Variants in SLC19A1 observed in about 807,000 individuals in gnomAD.
SLC19A1 encodes solute carrier family 19 member 1, also known as reduced folate transporter.
In SLC19A1, 37 loss-of-function variants were observed where a neutral mutation model predicts 35.3. That is an observed-to-expected ratio of 1.05 (90% CI 0.81 to 1.38). The LOEUF (loss-of-function observed/expected upper bound fraction) is 1.38. SLC19A1 is among the 40% of genes most tolerant of loss of function. The pLI, the probability that SLC19A1 is intolerant of heterozygous loss-of-function variation, is 0.00. For synonymous variants in SLC19A1, 460 were observed against 398.5 expected (o/e 1.15, Z -1.84); for missense variants, 831 against 826.9 (o/e 1.00, Z -0.06).
intron 1 of SLC19A1, among the ~76,000 whole-genome samples, chr21:45,539,298 GC>G (rs2078231322): frequency 6.6e-6 from 1 of 152,248 alleles, no homozygotes; most frequent in South Asian, 2.1e-4. Context: ...ACGTGGAAAG[GC>G]CATCTGCTGC....
intron 1 of SLC19A1, among the ~76,000 whole-genome samples, chr21:45,552,101 C>T (rs1307092321): frequency 1.3e-5 from 2 of 152,298 alleles, no homozygotes; most frequent in Middle Eastern, 3.4e-3. Context: ...ACTGTCTCGC[C>T]GCTCCATGGG....
Position 45,531,514 on chromosome 21 carries a change from AC to A in SLC19A1, c.823del (p.Val275SerfsTer53). The A allele has an allele frequency of 6.2e-7, 1 of 1,612,602 alleles. No homozygotes were observed. Among genetic ancestry groups the A allele is most frequent in the Non-Finnish European group, 8.5e-7 (1 of 1,179,734 alleles). On this transcript the variant is annotated frameshift_variant, in exon 3 of 6. Coordinates refer to ENST00000311124, the MANE Select transcript of SLC19A1 (RefSeq NM_194255.4). LOFTEE classifies it high-confidence loss of function. ...PQLRLWSLWW[V>X]FNSAGYYLVV... ...CAGGTAGTAGCCGGCCGAGTTGAAG[AC>A]CCACCAGAGGGACCACAGGCGCAGC...
rs550157121 is a variant in SLC19A1, at chr21:45,533,319, A to G, written c.190-1171T>C. 6.9e-4 allele frequency among the ~76,000 whole-genome samples: 105 copies of G among 152,194 alleles called. No homozygotes were observed. The highest frequency in any genetic ancestry group is 2.1e-4 in the Non-Finnish European group (14 of 68,018). ...CGGGGCTGGGGGTGCTACCTCCTACAGGACAAGGTCAGAGGACACTGCCCC... is the reference window on the plus strand; with the variant it reads ...CGGGGCTGGGGGTGCTACCTCCTACGGGACAAGGTCAGAGGACACTGCCCC... On this transcript the variant is annotated intron_variant, in intron 2 of 5. Transcript: ENST00000311124. The surrounding 1 kb of genome is among the most constrained non-coding windows in gnomAD (Gnocchi z 4.5).
chr21:45,516,655 G>C (rs999833536), intron 5 of SLC19A1, among the ~76,000 whole-genome samples: 5 of 152,236 alleles, frequency 3.3e-5, no homozygotes, highest in Non-Finnish European at 7.3e-5. Flanking sequence ...TGACCAGAAG[G>C]AGCAGCACCA....
intron 4 of SLC19A1, among the ~76,000 whole-genome samples, chr21:45,527,994 G>GA (rs1355558166): frequency 1.3e-5 from 2 of 149,550 alleles, no homozygotes; most frequent in Non-Finnish European, 3.0e-5. Flanking sequence ...TTCACCTGAA[G>GA]AAAAAATAAA....
Position 45,530,107 on chromosome 21 carries a change from TATCC to T in SLC19A1, c.1151+659_1151+662del, listed in dbSNP as rs2146339211. On this transcript the variant is annotated intron_variant, in intron 4 of 5. Coordinates refer to ENST00000311124, the MANE Select transcript of SLC19A1 (RefSeq NM_194255.4). This position sits in a 1 kb window ranked among gnomAD's most constrained non-coding sequence, Gnocchi z 5.3. ...TCGTGTGTGGTGTGTCTGTGTGGTG[TATCC>T]ATCTGTGAGCGTGTGGTGTGTTCAT... Among the ~76,000 whole-genome samples, 1 of 151,554 alleles carries T rather than the reference TATCC, an allele frequency of 6.6e-6. No homozygotes were observed. Among genetic ancestry groups the T allele is most frequent in the Non-Finnish European group, 1.5e-5 (1 of 67,850 alleles).
intron 1 of SLC19A1, among the ~76,000 whole-genome samples, chr21:45,562,716 C>T (rs900945701): frequency 2.0e-5 from 3 of 152,180 alleles, no homozygotes; most frequent in African/African-American, 7.2e-5. Context: ...AGGACGGAGT[C>T]CCAGACAGAA....
upstream of SLC19A1, among the ~76,000 whole-genome samples, chr21:45,544,974 C>T (rs1248731970): frequency 6.6e-6 from 1 of 152,230 alleles, no homozygotes; most frequent in Admixed American, 6.5e-5. Flanking sequence ...GTTAAGGTCC[C>T]CGTCAGCATA....
At chr21:45,552,295 C>T (rs1281206376) in intron 1 of SLC19A1, among the ~76,000 whole-genome samples, 1 of 152,192 alleles carries the variant, frequency 6.6e-6, no homozygotes, top group African/African-American at 2.4e-5. Flanking sequence ...TCCCTCCCAG[C>T]CTGAGCAGCA....
In SLC19A1 at chr21:45,533,380, G is replaced by C. The variant is rs1229419651; in HGVS notation, c.190-1232C>G. 6.6e-6 allele frequency among the ~76,000 whole-genome samples: 1 copy of C among 152,184 alleles called. No individual in the cohort carries two copies. Among genetic ancestry groups the C allele is most frequent in the Non-Finnish European group, 1.5e-5 (1 of 68,018 alleles). ...AGGCAGGCACCAAACGTCCTCAGCT[G>C]TCTTGGCAGGGGCCAGGGCTGCTGT... is the stretch of plus-strand genomic sequence containing the variant. On this transcript the variant is annotated intron_variant, in intron 2 of 5. Coordinates refer to ENST00000311124, the MANE Select transcript of SLC19A1 (RefSeq NM_194255.4). The surrounding 1 kb of genome is among the most constrained non-coding windows in gnomAD (Gnocchi z 4.5).
At position 45,517,574 on chromosome 21, in the gene SLC19A1, C is replaced by A. The variant is rs925384068; in HGVS notation, c.1294-1434G>T. ...AGACCATGTGGGGAGCCTAGTCACC[C>A]CCGAAGCCTCACGGAGTCAGCAGAG... On this transcript the variant is annotated intron_variant, in intron 5 of 5. Transcript: ENST00000311124. The surrounding 1 kb of genome is among the most constrained non-coding windows in gnomAD (Gnocchi z 4.4). Among the ~76,000 whole-genome samples the A allele has an allele frequency of 2.6e-5, 4 of 152,032 alleles. No homozygotes were observed. In the East Asian group the frequency reaches 7.7e-4, roughly 29 times the overall value.
Position 45,534,417 on chromosome 21 carries a change from C to A in SLC19A1, c.190-2269G>T, listed in dbSNP as rs1457338745. 3.8e-6 allele frequency: 3 copies of A among 791,084 alleles called. No homozygotes were observed. The highest frequency in any genetic ancestry group is 5.4e-5 in the East Asian group (2 of 36,756). The allele number at this position is 791,084 out of a possible 1,614,324, so 49.0% of individuals were successfully genotyped here. On this transcript the variant is annotated intron_variant, in intron 2 of 5. Coordinates refer to ENST00000311124, the MANE Select transcript of SLC19A1 (RefSeq NM_194255.4). This position sits in a 1 kb window ranked among gnomAD's most constrained non-coding sequence, Gnocchi z 4.2. Reference sequence around the variant, plus strand: ...GGGCATGACAGCCCCAGCCCCTGGCCGGGGCACAGGTTCTGCCCACAGCCC... The same window carrying A: ...GGGCATGACAGCCCCAGCCCCTGGCAGGGGCACAGGTTCTGCCCACAGCCC...
At chr21:45,559,600 C>T (rs1013421710) in intron 1 of SLC19A1, among the ~76,000 whole-genome samples, 2 of 152,306 alleles carry the variant, frequency 1.3e-5, no homozygotes, top group South Asian at 2.1e-4. Context: ...GTCCAGGGAG[C>T]ATCCGGCCAA....
chr21:45,509,708 A>G (rs1602649083), downstream of SLC19A1: 1 of 764,986 alleles, frequency 1.3e-6, no homozygotes, highest in Non-Finnish European at 2.2e-6. Context: ...GGCTTCGGCC[A>G]TGGGTGGGGG....
intron 4 of SLC19A1, among the ~76,000 whole-genome samples, chr21:45,528,129 C>T (rs1602774632): frequency 6.6e-6 from 1 of 151,320 alleles, no homozygotes; most frequent in Non-Finnish European, 1.5e-5. Context: ...GCAGGGAGGA[C>T]GAGAGAAGCA....
At chr21:45,504,606 C>T in intron 3 of SLC19A1, 9 of 1,522,858 alleles carry the variant, frequency 5.9e-6, no homozygotes, top group Non-Finnish European at 8.0e-6. Flanking sequence ...GGTCTGGGTG[C>T]AGGAGCCGAG....
At position 45,515,250 on chromosome 21, in the gene SLC19A1, C is replaced by A; in HGVS notation, c.*408G>T. On this transcript the variant is annotated 3_prime_UTR_variant, in exon 6 of 6. Transcript: ENST00000311124. The stretch of plus-strand genomic sequence containing the variant: ...GCTCAGCTACACCTGAGGGTCCCGG[C>A]TCCCACCCTGCCCTAGAGGGCTCAC... The A allele has an allele frequency of 6.7e-7, 1 of 1,501,346 alleles. No homozygotes were observed. Among genetic ancestry groups the A allele is most frequent in the Non-Finnish European group, 8.8e-7 (1 of 1,137,714 alleles). 93.0% of individuals were successfully genotyped at this position (1,501,346 alleles called of 1,614,324 possible).
chr21:45,538,267 G>A (rs2078198173), intron 1 of SLC19A1, among the ~76,000 whole-genome samples: 1 of 152,236 alleles, frequency 6.6e-6, no homozygotes, highest in African/African-American at 2.4e-5. Flanking sequence ...CAGCCACATG[G>A]AGTGATTTAA....
intron 5 of SLC19A1, among the ~76,000 whole-genome samples, chr21:45,518,319 GA>G (rs1358520302): frequency 5.9e-5 from 9 of 151,934 alleles, no homozygotes; most frequent in African/African-American, 9.7e-5. Context: ...CTGAACAAAA[GA>G]AAAAATGGAC....
Sources: allele counts gnomAD v4.1 joint callset (sites outside exome capture counted in the v4.1 genomes callset), GRCh38; gene constraint gnomAD v4.1.1; non-coding constraint Gnocchi (gnomAD v3.1); transcripts MANE v1.5; gene names NCBI Gene and HGNC (gene_info 2026-07-23, HGNC 2026-07-21).